KIF26B: variants seen among roughly 807,000 people sequenced by gnomAD.
The protein encoded by KIF26B is kinesin-like protein KIF26B.
KIF26B carries 63 observed loss-of-function variants against 151.2 expected under a neutral mutation model. The ratio of observed to expected loss-of-function variants is 0.42; its 90% confidence interval spans 0.34 to 0.51. The LOEUF (loss-of-function observed/expected upper bound fraction) is 0.51. Ranked by LOEUF, KIF26B falls within the 20% of genes least tolerant of loss-of-function variation. KIF26B has a pLI of 0.07. For missense variants in KIF26B, 2,813 were observed against 2,913.6 expected (o/e 0.97, Z 0.79); for synonymous variants, 1,357 against 1,262.1 (o/e 1.08, Z -1.59).
rs1172467172 is a variant in KIF26B, at chr1:245,606,915, A to C, written c.1558-736A>C. Among the ~76,000 whole-genome samples, 2 of 151,830 alleles carry C rather than the reference A, an allele frequency of 1.3e-5. No individual in the cohort carries two copies. The highest frequency in any genetic ancestry group is 4.8e-5 in the African/African-American group (2 of 41,332). On this transcript the variant is annotated intron_variant, in intron 6 of 14. Coordinates refer to ENST00000407071, the MANE Select transcript of KIF26B (RefSeq NM_018012.4). The surrounding 1 kb of genome is among the most constrained non-coding windows in gnomAD (Gnocchi z 4.6). Reference sequence around the variant, plus strand: ...CCCTCTCTACTAAAAAAATGCAAAAAATTAGCCAGGCATGGTGGCACATGC... The same window carrying C: ...CCCTCTCTACTAAAAAAATGCAAAACATTAGCCAGGCATGGTGGCACATGC...
chr1:245,608,635 T>C (rs1284990361), intron 7 of KIF26B, among the ~76,000 whole-genome samples: 1 of 152,156 alleles, frequency 6.6e-6, no homozygotes, highest in Non-Finnish European at 1.5e-5. Flanking sequence ...ATAATGATGA[T>C]GAAAAAGCCC....
At chr1:245,594,375 T>C (rs6676757) in intron 5 of KIF26B, among the ~76,000 whole-genome samples, 23,332 of 152,118 alleles carry the variant, frequency 0.15, 2,356 homozygotes, top group African/African-American at 0.28. Context: ...CCGGTTTCAG[T>C]TTTCTGCATA....
rs1660855962 is a variant in KIF26B at position 245,512,320 on chromosome 1, G to C, written c.1167-28447G>C. Among the ~76,000 whole-genome samples, 1 of 152,258 alleles carries C rather than the reference G, an allele frequency of 6.6e-6. No individual in the cohort carries two copies. Among genetic ancestry groups the C allele is most frequent in the Non-Finnish European group, 1.5e-5 (1 of 68,022 alleles). On this transcript the variant is annotated intron_variant, in intron 4 of 14. Transcript: ENST00000407071. This position sits in a 1 kb window ranked among gnomAD's most constrained non-coding sequence, Gnocchi z 4.3. ...CCCCCATCCTTCTCTCTGAGTCTTG[G>C]AACATCATGAAAGACTCTTCTGCAG...
intron 4 of KIF26B, among the ~76,000 whole-genome samples, chr1:245,496,328 G>A (rs114646091): frequency 3.9e-5 from 6 of 152,178 alleles, no homozygotes; most frequent in African/African-American, 1.4e-4. Flanking sequence ...AATAAATATA[G>A]GGCAAATATA....
intron 2 of KIF26B, among the ~76,000 whole-genome samples, chr1:245,242,089 T>A (rs2103560354): frequency 6.6e-6 from 1 of 152,328 alleles, no homozygotes; most frequent in South Asian, 2.1e-4. Flanking sequence ...AAGCTCACGT[T>A]ATTTTTAAAT....
rs964079713 is a variant in KIF26B, at chr1:245,572,098, C to T, written c.1351-30479C>T. Among the ~76,000 whole-genome samples the T allele has an allele frequency of 3.9e-5, 6 of 152,164 alleles. No homozygotes were observed. Among genetic ancestry groups the T allele is most frequent in the African/African-American group, 9.7e-5 (4 of 41,440 alleles). On this transcript the variant is annotated intron_variant, in intron 5 of 14. Coordinates refer to ENST00000407071, the MANE Select transcript of KIF26B (RefSeq NM_018012.4). The surrounding 1 kb of genome is among the most constrained non-coding windows in gnomAD (Gnocchi z 4.2). Reference sequence around the variant, plus strand: ...AACTGTGCACAGAGTCCAGATCTCACGACCTCGCTTTGCAAAGGCTACAAG... The same window carrying T: ...AACTGTGCACAGAGTCCAGATCTCATGACCTCGCTTTGCAAAGGCTACAAG...
At chr1:245,268,699 G>C (rs189768144) in intron 2 of KIF26B, among the ~76,000 whole-genome samples, 3 of 151,984 alleles carry the variant, frequency 2.0e-5, no homozygotes, top group African/African-American at 4.8e-5. Flanking sequence ...GAACCAGTCC[G>C]AGCCCCTCTG....
intron 5 of KIF26B, among the ~76,000 whole-genome samples, chr1:245,568,501 C>T (rs1177547490): frequency 6.6e-6 from 1 of 152,278 alleles, no homozygotes; most frequent in South Asian, 2.1e-4. Flanking sequence ...CAGAGTGAGA[C>T]CTTGTCTCAA....
At chr1:245,173,688 G>GA (rs1160857492) in intron 2 of KIF26B, among the ~76,000 whole-genome samples, 1 of 152,212 alleles carries the variant, frequency 6.6e-6, no homozygotes, top group Non-Finnish European at 1.5e-5. Context: ...GCAGTCCCTT[G>GA]GAGGGAAAGG....
chr1:245,333,738 C>G (rs1426147603), intron 2 of KIF26B, among the ~76,000 whole-genome samples: 2 of 152,234 alleles, frequency 1.3e-5, no homozygotes, highest in Non-Finnish European at 1.5e-5. Flanking sequence ...TGGCTCATAC[C>G]TGTAATCCCA....
Position 245,421,423 on chromosome 1 carries a change from G to A in KIF26B, c.1166+1678G>A, listed in dbSNP as rs546637462. On this transcript the variant is annotated intron_variant, in intron 4 of 14. Coordinates refer to ENST00000407071, the MANE Select transcript of KIF26B (RefSeq NM_018012.4). ...ATGTAGGCAAAGGCTAAATAACGAG[G>A]GAGGAGACGGACCTCCCAGCTCAGA... is the stretch of plus-strand genomic sequence containing the variant. 1.7e-3 allele frequency among the ~76,000 whole-genome samples: 254 copies of A among 152,190 alleles called. 1 individual carries two copies. The highest frequency in any genetic ancestry group is 2.7e-3 in the Non-Finnish European group (185 of 68,004).
At chr1:245,409,720 G>A (rs1674227966) in intron 3 of KIF26B, among the ~76,000 whole-genome samples, 1 of 152,130 alleles carries the variant, frequency 6.6e-6, no homozygotes, top group Non-Finnish European at 1.5e-5. Flanking sequence ...TGGGGTGCTG[G>A]CTGGGGGTGC....
intron 3 of KIF26B, among the ~76,000 whole-genome samples, chr1:245,390,921 C>CAAAAAAAAAAA (rs796799193): frequency 7.4e-5 from 1 of 13,446 alleles, no homozygotes; most frequent in African/African-American, 4.5e-4. Flanking sequence ...GACCCTGTCT[C>CAAAAAAAAAAA]AAAAAAAAAA....
intron 9 of KIF26B, among the ~76,000 whole-genome samples, chr1:245,622,564 C>G (rs1019386190): frequency 6.6e-6 from 1 of 152,222 alleles, no homozygotes; most frequent in Middle Eastern, 3.2e-3. Context: ...GGGTCCCACA[C>G]GCTCTGCTCG....
chr1:245,634,997 A>G (rs1370182070), intron 9 of KIF26B, among the ~76,000 whole-genome samples: 2 of 151,894 alleles, frequency 1.3e-5, no homozygotes, highest in African/African-American at 4.8e-5. Context: ...GTAAGCCACC[A>G]TGCCTAGCCC....
intron 2 of KIF26B, among the ~76,000 whole-genome samples, chr1:245,195,622 G>A: frequency 6.6e-6 from 1 of 152,158 alleles, no homozygotes; most frequent in South Asian, 2.1e-4. Context: ...TTGCCCCTGG[G>A]GCTCCGCTTC....
intron 2 of KIF26B, among the ~76,000 whole-genome samples, chr1:245,207,379 C>T (rs1040298065): frequency 3.5e-4 from 53 of 152,176 alleles, no homozygotes; most frequent in Middle Eastern, 6.8e-3. Context: ...GGAGTTGGAC[C>T]GCACAATCTA....
At position 245,668,772 on chromosome 1, in the gene KIF26B, C is replaced by CACAA. The variant is rs551642951; in HGVS notation, c.2259-15461_2259-15460insACAA. On this transcript the variant is annotated intron_variant, in intron 10 of 14. Coordinates refer to ENST00000407071, the MANE Select transcript of KIF26B (RefSeq NM_018012.4). ...TGGCACAATCTTGGCTTACCGCAAC[C>CACAA]TCTGCTTCCTGGGTTCAAGTGATTC... Among the ~76,000 whole-genome samples the CACAA allele has an allele frequency of 3.3e-4, 50 of 152,270 alleles. No homozygotes were observed. In the South Asian group the frequency reaches 9.8e-3, roughly 30 times the overall value.
intron 4 of KIF26B, among the ~76,000 whole-genome samples, chr1:245,421,686 A>G (rs1475433473): frequency 6.6e-6 from 1 of 152,152 alleles, no homozygotes; most frequent in Non-Finnish European, 1.5e-5. Flanking sequence ...GGCAACCCAG[A>G]AGATTTGAAG....
Sources: allele counts gnomAD v4.1 joint callset (sites outside exome capture counted in the v4.1 genomes callset), GRCh38; gene constraint gnomAD v4.1.1; non-coding constraint Gnocchi (gnomAD v3.1); transcripts MANE v1.5; gene names NCBI Gene and HGNC (gene_info 2026-07-23, HGNC 2026-07-21).